Variants in EXOC4 observed in about 807,000 individuals in gnomAD.
EXOC4 encodes the protein SEC8-like 1.
In EXOC4, 71 loss-of-function variants were observed where a neutral mutation model predicts 107.2. The ratio of observed to expected loss-of-function variants is 0.66; its 90% CI spans 0.55 to 0.81. The LOEUF is 0.81. EXOC4 is among the 30% of genes least tolerant of loss of function. The pLI is 0.00. For synonymous variants in EXOC4, 456 were observed against 441.2 expected (o/e 1.03, Z -0.42); for missense variants, 1,108 against 1,189.6 (o/e 0.93, Z 1.01).
At chr7:133,888,054 AT>A (rs1173018723) in intron 11 of EXOC4, among the ~76,000 whole-genome samples, 2 of 152,176 alleles carry the variant, frequency 1.3e-5, no homozygotes, top group African/African-American at 4.8e-5. Flanking sequence ...CTTATAGAAT[AT>A]AGCTGCTCCT....
chr7:134,020,301 C>T (rs370611052), intron 17 of EXOC4, among the ~76,000 whole-genome samples: 1 of 152,192 alleles, frequency 6.6e-6, no homozygotes, highest in East Asian at 1.9e-4. Context: ...GCTTGGGCAT[C>T]TGCGGCTTAA....
intron 10 of EXOC4, among the ~76,000 whole-genome samples, chr7:133,741,357 G>A (rs1371195505): frequency 1.3e-5 from 2 of 152,100 alleles, no homozygotes; most frequent in Non-Finnish European, 2.9e-5. Flanking sequence ...CTCTCCTGCT[G>A]ATTATTTGAA....
chr7:134,023,146 G>A (rs886296836), intron 17 of EXOC4, among the ~76,000 whole-genome samples: 5 of 152,094 alleles, frequency 3.3e-5, no homozygotes, highest in Admixed American at 6.6e-5. Context: ...AGTGATAATT[G>A]GGATTCATGA....
intron 7 of EXOC4, among the ~76,000 whole-genome samples, chr7:133,459,347 T>TCA (rs1172919534): frequency 6.6e-6 from 1 of 152,222 alleles, no homozygotes; most frequent in African/African-American, 2.4e-5. Flanking sequence ...TTACAAATGC[T>TCA]CACTCTCATG....
At chr7:134,073,756 C>T in the EXOC4 span, among the ~76,000 whole-genome samples, 49 of 152,190 alleles carry the variant, frequency 3.2e-4, 1 homozygote, top group Middle Eastern at 3.4e-3. Context: ...TTGTGATTTA[C>T]TCACAGGCAG....
chr7:133,485,786 T>C (rs1309043149), intron 9 of EXOC4, among the ~76,000 whole-genome samples: 1 of 152,152 alleles, frequency 6.6e-6, no homozygotes, highest in African/African-American at 2.4e-5. Flanking sequence ...TATTTGTAGG[T>C]ACAAGCCTAC....
Position 133,630,061 on chromosome 7 carries a change from C to T in EXOC4, c.1434C>T (p.Asn478=), listed in dbSNP as rs1282230035. 6.2e-7 allele frequency: 1 copy of T among 1,613,522 alleles called. No individual in the cohort carries two copies. Among genetic ancestry groups the T allele is most frequent in the East Asian group, 2.2e-5 (1 of 44,856 alleles). The change falls in exon 10 of 18, where the codon AAC becomes AAT. Residue 478 remains asparagine, a synonymous_variant. Transcript: ENST00000253861. ...SGELQGGPDD[N]LIEGGGTKFV... ...TTCTGAAAGGGGGTCCTGATGACAA[C>T]TTAATTGAAGGTGGAGGAACAAAAT...
At chr7:134,059,755 C>T (rs1796013174) in intron 17 of EXOC4, among the ~76,000 whole-genome samples, 1 of 152,138 alleles carries the variant, frequency 6.6e-6, no homozygotes, top group Admixed American at 6.6e-5. Flanking sequence ...TAGAACACTA[C>T]ATGTGGTGGG....
intron 10 of EXOC4, among the ~76,000 whole-genome samples, chr7:133,703,138 T>C (rs1794700821): frequency 6.6e-6 from 1 of 152,244 alleles, no homozygotes; most frequent in Non-Finnish European, 1.5e-5. Flanking sequence ...CAGCATTTTG[T>C]TCATCATTAT....
At chr7:133,539,693 A>T (rs1800343143) in intron 9 of EXOC4, among the ~76,000 whole-genome samples, 1 of 151,914 alleles carries the variant, frequency 6.6e-6, no homozygotes, top group Non-Finnish European at 1.5e-5. Context: ...TTTTTGTGTG[A>T]CTTAGCAGTT....
At chr7:133,743,605 A>G (rs1795613652) in intron 10 of EXOC4, among the ~76,000 whole-genome samples, 1 of 152,154 alleles carries the variant, frequency 6.6e-6, no homozygotes, top group Non-Finnish European at 1.5e-5. Flanking sequence ...ACATCAGGAT[A>G]TGTTTGGAAA....
chr7:133,389,286 G>A lies in EXOC4; in HGVS notation c.1182+14284G>A, dbSNP rs569723230. ...TAGGCTTAACTATAAGAAATGGAGA[G>A]TCGGCTGGGCATGGTGGCTCATGCC... On this transcript the variant is annotated intron_variant, in intron 7 of 17. Transcript: ENST00000253861. Among the ~76,000 whole-genome samples, 9 of 152,078 alleles carry A rather than the reference G, an allele frequency of 5.9e-5. No individual in the cohort carries two copies. In the South Asian group the frequency reaches 1.9e-3, roughly 32 times the overall value.
rs963132552 is a variant in EXOC4, at chr7:133,576,924, C to T, written c.1418-53121C>T. On this transcript the variant is annotated intron_variant, in intron 9 of 17. Coordinates refer to ENST00000253861, the MANE Select transcript of EXOC4 (RefSeq NM_021807.4). ...TTGTTTGTTCTTGCTTTCCAGATCT[C>T]TTATTCACTGCATGTGTGTATGTGG... is the stretch of plus-strand genomic sequence containing the variant. 4 of 1,219,146 alleles carry T rather than the reference C, an allele frequency of 3.3e-6. No individual in the cohort carries two copies. In the African/African-American group the frequency reaches 4.7e-5, roughly 14 times the overall value. 75.5% of individuals were successfully genotyped at this position (1,219,146 alleles called of 1,614,324 possible).
chr7:133,703,313 G>T (rs1794704776), intron 10 of EXOC4, among the ~76,000 whole-genome samples: 1 of 152,148 alleles, frequency 6.6e-6, no homozygotes, highest in African/African-American at 2.4e-5. Context: ...GTTGCTGCTA[G>T]CATGTTGTTC....
chr7:133,631,955 A>G (rs1402706046), intron 10 of EXOC4, among the ~76,000 whole-genome samples: 2 of 152,144 alleles, frequency 1.3e-5, no homozygotes, highest in Admixed American at 1.3e-4. Context: ...ATTCCCAAGT[A>G]GAAAAGAAAC....
the EXOC4 span, among the ~76,000 whole-genome samples, chr7:134,099,325 C>T: frequency 6.6e-6 from 1 of 151,872 alleles, no homozygotes; most frequent in African/African-American, 2.4e-5. Flanking sequence ...TGAAGCAGGC[C>T]ATAAAACCTA....
chr7:133,597,253 C>G lies in EXOC4; in HGVS notation c.1418-32792C>G, dbSNP rs1432622156. On this transcript the variant is annotated intron_variant, in intron 9 of 17. Transcript: ENST00000253861. ...AGTTCAGGGCTGATATGACAGCCTT[C>G]TTGCATAGAATCCTTGGAGGCTGGG... Among the ~76,000 whole-genome samples, 4 of 152,170 alleles carry G rather than the reference C, an allele frequency of 2.6e-5. No individual in the cohort carries two copies. In the East Asian group the frequency reaches 7.7e-4, roughly 29 times the overall value.
At chr7:133,773,058 C>T (rs1796276332) in intron 10 of EXOC4, among the ~76,000 whole-genome samples, 1 of 152,094 alleles carries the variant, frequency 6.6e-6, no homozygotes, top group South Asian at 2.1e-4. Context: ...TGCTTTTATC[C>T]TTAGGTGTCC....
chr7:133,423,241 A>G, intron 7 of EXOC4, among the ~76,000 whole-genome samples: 1 of 4,178 alleles, frequency 2.4e-4, no homozygotes, highest in African/African-American at 2.3e-3. Context: ...AAAAAAAAAA[A>G]AAAAAAAAAA....
Sources: gnomAD v4.1 joint callset for allele counts (sites outside exome capture counted in the v4.1 genomes callset) on GRCh38, gnomAD v4.1.1 for gene constraint, MANE v1.5 for transcripts, NCBI Gene and HGNC (gene_info 2026-07-23, HGNC 2026-07-21) for gene names.